The following LMLN variants were observed in gnomAD, a reference collection of about 807,000 sequenced individuals.
The protein encoded by LMLN is leishmanolysin-like peptidase.
In LMLN, 70 loss-of-function variants were observed where a neutral mutation model predicts 92.3. The ratio of observed to expected loss-of-function variants is 0.76; its 90% CI spans 0.63 to 0.92. The LOEUF is 0.92. LMLN is among the 40% of genes least tolerant of loss of function. The pLI, the probability that LMLN is intolerant of heterozygous loss-of-function variation, is 0.00. For missense variants in LMLN, 691 were observed against 814.6 expected (o/e 0.85, Z 1.85); for synonymous variants, 308 against 296.2 (o/e 1.04, Z -0.41).
chr3:198,011,722 T>G (rs1422549660), intron 11 of LMLN, among the ~76,000 whole-genome samples: 1 of 151,848 alleles, frequency 6.6e-6, no homozygotes, highest in African/African-American at 2.4e-5. Flanking sequence ...ATGGTTGAAC[T>G]AGTTTACAGT....
chr3:198,001,688 G>GT lies in LMLN; in HGVS notation c.1232+2350dup, dbSNP rs1329771213. On this transcript the variant is annotated intron_variant, in intron 11 of 15. Coordinates refer to ENST00000330198, the Ensembl canonical transcript of LMLN. ...TCCTTCAGTTTCTGTCTGAGTGAGA[G>GT]TTTTGTTCGTTGACAGGAGAGAAGT... Among the ~76,000 whole-genome samples, 13 of 152,172 alleles carry GT rather than the reference G, an allele frequency of 8.5e-5. 2 individuals carry two copies. Among genetic ancestry groups the GT allele is most frequent in the East Asian group, 5.8e-4 (3 of 5,202 alleles).
intron 12 of LMLN, among the ~76,000 whole-genome samples, chr3:198,020,563 AG>A (rs1439641365): frequency 6.6e-6 from 1 of 152,084 alleles, no homozygotes; most frequent in African/African-American, 2.4e-5. Flanking sequence ...TGGTGCATCC[AG>A]GGGTGTGAAA....
chr3:198,011,677 TAGATCCCTG>T (rs1451663473), intron 11 of LMLN, among the ~76,000 whole-genome samples: 3 of 151,378 alleles, frequency 2.0e-5, no homozygotes, highest in African/African-American at 7.3e-5. Context: ...TTTCTAGTTC[TAGATCCCTG>T]AGGAATCGCC....
chr3:197,967,931 A>G (rs1721104974), intron 1 of LMLN, among the ~76,000 whole-genome samples: 1 of 152,222 alleles, frequency 6.6e-6, no homozygotes, highest in African/African-American at 2.4e-5. Context: ...CAAGAAAAAT[A>G]TGGCTGTATT....
chr3:197,993,628 A>C (rs1276461164), intron 9 of LMLN, among the ~76,000 whole-genome samples: 1 of 152,174 alleles, frequency 6.6e-6, no homozygotes, highest in Non-Finnish European at 1.5e-5. Flanking sequence ...CATGGAGTAG[A>C]AGAATTAGTA....
At chr3:197,990,672 T>G (rs1373161325) in exon 9 of LMLN, 1 of 1,462,140 alleles carries the variant, frequency 6.8e-7, no homozygotes, top group Admixed American at 1.7e-5. Context: ...ACGCCTCGTG[T>G]TGTTGTAAGT....
intron 11 of LMLN, among the ~76,000 whole-genome samples, chr3:198,005,582 T>G (rs142233190): frequency 5.9e-4 from 90 of 152,096 alleles, no homozygotes; most frequent in African/African-American, 2.0e-3. Context: ...GTGCCCATGT[T>G]CAGTACAGAT....
At chr3:198,015,024 C>T (rs1391474170) in intron 11 of LMLN, among the ~76,000 whole-genome samples, 15 of 146,920 alleles carry the variant, frequency 1.0e-4, no homozygotes, top group African/African-American at 3.8e-4. Context: ...CTCCACCCTT[C>T]AGAGCCCCCT....
At chr3:198,038,023 T>G (rs1723281330) in intron 15 of LMLN, among the ~76,000 whole-genome samples, 2 of 148,590 alleles carry the variant, frequency 1.3e-5, no homozygotes, top group African/African-American at 4.9e-5. Context: ...GTCCCTTGCC[T>G]CCTCACAGTC....
chr3:197,996,171 T>G lies in LMLN; in HGVS notation c.1048-4T>G. On this transcript the variant is annotated splice_region_variant and splice_polypyrimidine_tract_variant and intron_variant, in intron 9 of 15. Transcript: ENST00000330198. ...TTGTTTCTGATTTTTTTTCTGGTTC[T>G]TAGGAGGAAGCACGAAAACATTTTG... The G allele has an allele frequency of 6.5e-7, 1 of 1,542,120 alleles. No homozygotes were observed. The highest frequency in any genetic ancestry group is 1.2e-5 in the South Asian group (1 of 80,154).
At chr3:197,987,074 A>G (rs375859630) in intron 8 of LMLN, among the ~76,000 whole-genome samples, 209 of 151,044 alleles carry the variant, frequency 1.4e-3, no homozygotes, top group African/African-American at 5.0e-3. Flanking sequence ...TCCTGACCTC[A>G]GGTGATCTGC....
chr3:197,961,862 G>A (rs1720905178), intron 1 of LMLN, among the ~76,000 whole-genome samples: 1 of 152,048 alleles, frequency 6.6e-6, no homozygotes, highest in South Asian at 2.1e-4. Context: ...TTATTACGCC[G>A]GTACAAACAA....
chr3:198,025,161 C>T lies in LMLN; in HGVS notation c.1656+373C>T, dbSNP rs537788211. On this transcript the variant is annotated intron_variant, in intron 14 of 15. Transcript: ENST00000330198. This position sits in a 1 kb window ranked among gnomAD's most constrained non-coding sequence, Gnocchi z 4.3. ...ATAAGAATTAGTAAATCAGGCTGGA[C>T]GTGGTGGCTCACGCCTGTAATCCCA... 4.6e-5 allele frequency among the ~76,000 whole-genome samples: 7 copies of T among 152,186 alleles called. No homozygotes were observed. The highest frequency in any genetic ancestry group is 2.1e-4 in the South Asian group (1 of 4,826).
intron 11 of LMLN, among the ~76,000 whole-genome samples, chr3:198,015,201 G>T (rs1450132797): frequency 9.5e-6 from 1 of 105,252 alleles, no homozygotes; most frequent in South Asian, 3.1e-4. Flanking sequence ...TGACTTCTCT[G>T]TACCTTTCAG....
chr3:198,017,703 G>A (rs1164622679), intron 11 of LMLN, among the ~76,000 whole-genome samples: 1 of 152,140 alleles, frequency 6.6e-6, no homozygotes, highest in East Asian at 1.9e-4. Flanking sequence ...CAGATCACGA[G>A]GTCCAGAGAT....
intron 5 of LMLN, 67 bp from the exon 6 acceptor site, chr3:197,980,259 A>G (rs1721517669): frequency 7.5e-7 from 1 of 1,336,696 alleles, no homozygotes; most frequent in East Asian, 2.3e-5. Flanking sequence ...ATTTTACTAT[A>G]AGATTAAATG....
rs200706585 is a variant in LMLN at position 197,960,308 on chromosome 3, G to T, written c.87G>T (p.Trp29Cys). 42 of 1,613,910 alleles carry T rather than the reference G, an allele frequency of 2.6e-5. No homozygotes were observed. Among genetic ancestry groups the T allele is most frequent in the East Asian group, 1.8e-4 (8 of 44,852 alleles). ...GCTCAGGCCCGGGCCGGAGCCGGTG[G>T]CGCTGGAGCGGGTCTGTGTGGGTCC... Residue 29 changes from tryptophan to cysteine, a missense_variant, in exon 1 of 16, where the codon TGG (tryptophan) becomes TGT (cysteine). Trp to Cys is a radical substitution (Grantham distance 215, BLOSUM62 -2). Transcript: ENST00000330198.
chr3:197,977,826 G>A (rs1187455970), intron 5 of LMLN, among the ~76,000 whole-genome samples: 1 of 151,802 alleles, frequency 6.6e-6, no homozygotes, highest in African/African-American at 2.4e-5. Context: ...CAAACAGTCT[G>A]GAAGTACACA....
In LMLN at chr3:198,025,688, C is replaced by T. The variant is rs564739787; in HGVS notation, c.1656+900C>T. Among the ~76,000 whole-genome samples the T allele has an allele frequency of 5.1e-4, 78 of 152,146 alleles. No homozygotes were observed. Among genetic ancestry groups the T allele is most frequent in the Non-Finnish European group, 1.0e-3 (68 of 68,032 alleles). ...CCTCGCCTACTATTTCCTTAATTAT[C>T]TTATTTGCACATCTGATATTATATG... On this transcript the variant is annotated intron_variant, in intron 14 of 15. Transcript: ENST00000330198. The surrounding 1 kb of genome is among the most constrained non-coding windows in gnomAD (Gnocchi z 4.3).
Sources: allele counts gnomAD v4.1 joint callset (sites outside exome capture counted in the v4.1 genomes callset), GRCh38; gene constraint gnomAD v4.1.1; non-coding constraint Gnocchi (gnomAD v3.1); transcripts MANE v1.5; gene names NCBI Gene and HGNC (gene_info 2026-07-23, HGNC 2026-07-21).